PEX1: variants seen among roughly 807,000 people sequenced by gnomAD.
PEX1 encodes the protein peroxisomal biogenesis factor 1, also known as peroxisomal ATPase PEX1.
In PEX1, 97 loss-of-function variants were observed where a neutral mutation model predicts 152.5. The observed-to-expected ratio is 0.64, with a 90% CI of 0.54 to 0.75. The LOEUF (loss-of-function observed/expected upper bound fraction) is 0.75. Ranked by LOEUF, PEX1 falls within the 30% of genes least tolerant of loss-of-function variation. PEX1 has a pLI of 0.00. For synonymous variants in PEX1, 485 were observed against 531.6 expected (o/e 0.91, Z 1.21); for missense variants, 1,357 against 1,516.3 (o/e 0.89, Z 1.74).
chr7:92,500,877 C>A (rs1289996010), intron 15 of PEX1, among the ~76,000 whole-genome samples: 1 of 152,206 alleles, frequency 6.6e-6, no homozygotes, highest in African/African-American at 2.4e-5. Context: ...TTTTCAAGGA[C>A]TGACATCCCG....
At chr7:92,495,570 T>G (rs1245347287) in intron 17 of PEX1, among the ~76,000 whole-genome samples, 3 of 152,200 alleles carry the variant, frequency 2.0e-5, no homozygotes, top group Admixed American at 2.0e-4. Context: ...CTATGTCACC[T>G]AAGTTTTCAA....
chr7:92,495,081 CATTT>C (rs1483725645), intron 17 of PEX1, among the ~76,000 whole-genome samples: 1 of 151,858 alleles, frequency 6.6e-6, no homozygotes, highest in African/African-American at 2.4e-5. Flanking sequence ...AATGCCTATT[CATTT>C]ATTTTGCCCA....
chr7:92,506,944 T>C (rs771908433), intron 10 of PEX1, 50 bp downstream of exon 10: 8 of 1,597,434 alleles, frequency 5.0e-6, no homozygotes, highest in Non-Finnish European at 6.0e-6. Context: ...GAAAGATAAA[T>C]GAAAAGTTAT....
chr7:92,499,962 T>C (rs1254063370), intron 15 of PEX1, 124 bp from the exon 16 acceptor site: 1 of 717,552 alleles, frequency 1.4e-6, no homozygotes, highest in Non-Finnish European at 2.4e-6. Flanking sequence ...CTTTCTTTAG[T>C]AACAGCAAGT....
intron 15 of PEX1, among the ~76,000 whole-genome samples, chr7:92,500,197 A>T (rs73710410): frequency 3.3e-5 from 5 of 152,198 alleles, no homozygotes; most frequent in Non-Finnish European, 7.4e-5. Flanking sequence ...AAGTTATGAG[A>T]GCTGTGTACA....
chr7:92,526,077 G>C (rs1048737247), intron 1 of PEX1, among the ~76,000 whole-genome samples: 3 of 152,200 alleles, frequency 2.0e-5, no homozygotes, highest in Non-Finnish European at 2.9e-5. Context: ...CAAATTAGCT[G>C]CATGGCAATG....
chr7:92,512,702 CT>C (rs1225974329), intron 6 of PEX1, among the ~76,000 whole-genome samples: 1 of 152,142 alleles, frequency 6.6e-6, no homozygotes, highest in Non-Finnish European at 1.5e-5. Context: ...GTTGGCCAGG[CT>C]GGTCTCCAAC....
intron 15 of PEX1, among the ~76,000 whole-genome samples, chr7:92,500,789 C>T (rs1791887801): frequency 6.6e-6 from 1 of 152,120 alleles, no homozygotes; most frequent in African/African-American, 2.4e-5. Context: ...TAGACTCTAC[C>T]ATCTGATCTT....
At position 92,494,494 on chromosome 7, in the gene PEX1, G is replaced by C. The variant is rs778758075; in HGVS notation, c.2919C>G (p.Gly973=). The change falls in exon 18 of 24, where the codon GGC becomes GGG. Residue 973 remains glycine, a synonymous_variant. Coordinates refer to ENST00000248633, the MANE Select transcript of PEX1 (RefSeq NM_000466.3). The part of the protein sequence containing the change: ...QLLTQLDGVE[G]LQGVYVLAAT... Reference sequence around the variant, plus strand: ...TGTATTTATAATTATTACCCTGTAAGCCTTCTACTCCATCCAACTGAGTCA... The same window carrying C: ...TGTATTTATAATTATTACCCTGTAACCCTTCTACTCCATCCAACTGAGTCA... 6.8e-6 allele frequency: 11 copies of C among 1,613,552 alleles called. No individual in the cohort carries two copies. Among genetic ancestry groups the C allele is most frequent in the Non-Finnish European group, 9.3e-6 (11 of 1,179,526 alleles).
intron 21 of PEX1, chr7:92,490,148 T>C: frequency 1.9e-6 from 1 of 528,580 alleles, no homozygotes; most frequent in Non-Finnish European, 3.4e-6. Flanking sequence ...ACAGGGTAGG[T>C]TTTTTTAACT....
chr7:92,509,007 T>C (rs550238603), intron 9 of PEX1, among the ~76,000 whole-genome samples: 301 of 152,190 alleles, frequency 2.0e-3, no homozygotes, highest in African/African-American at 6.8e-3. Context: ...CCACGTGATA[T>C]CTAGTTGCTT....
At chr7:92,518,612 C>CAGACTGG (rs1792914393) in intron 3 of PEX1, among the ~76,000 whole-genome samples, 1 of 152,156 alleles carries the variant, frequency 6.6e-6, no homozygotes, top group Non-Finnish European at 1.5e-5. Context: ...CTCTGTTTTC[C>CAGACTGG]AGACTGGAGT....
In PEX1 at chr7:92,517,878, G is replaced by A. The variant is rs141798874; in HGVS notation, c.637C>T (p.Leu213Phe). The A allele has an allele frequency of 3.1e-4, 483 of 1,544,194 alleles. 1 individual carries two copies. The African/African-American group carries it at 6.2e-3, about 20-fold the overall frequency. Reference protein sequence around the residue: ...GRDQKGMMKELQTKQLQSNTV... With the variant: ...GRDQKGMMKEFQTKQLQSNTV... ...TTTGACTGAAGTTGCTTGGTTTGAA[G>A]TTCTTTCATCATTCCTTTCTGGTCT... The change falls in exon 5 of 24, where the codon CTT becomes TTT. Residue 213 changes from leucine (L) to phenylalanine (F), a missense_variant. Leu to Phe is a conservative substitution (Grantham distance 22, BLOSUM62 0). Coordinates refer to ENST00000248633, the MANE Select transcript of PEX1 (RefSeq NM_000466.3).
At chr7:92,508,187 A>G (rs1242655508) in intron 9 of PEX1, among the ~76,000 whole-genome samples, 1 of 145,418 alleles carries the variant, frequency 6.9e-6, no homozygotes, top group East Asian at 1.9e-4. Flanking sequence ...TATTTTACAA[A>G]CATGAACTTT....
At chr7:92,519,706 CAAATATTGAG>C (rs1335481868) in intron 2 of PEX1, among the ~76,000 whole-genome samples, 1 of 152,012 alleles carries the variant, frequency 6.6e-6, no homozygotes, top group African/African-American at 2.4e-5. Context: ...ACACTGGAGA[CAAATATTGAG>C]AAGTATAATC....
At position 92,517,390 on chromosome 7, in the gene PEX1, A is replaced by G. The variant is rs1585254314; in HGVS notation, c.1125T>C (p.Asn375=). The G allele has an allele frequency of 6.2e-7, 1 of 1,613,856 alleles. No homozygotes were observed. Among genetic ancestry groups the G allele is most frequent in the Non-Finnish European group, 8.5e-7 (1 of 1,179,924 alleles). Residue 375 remains asparagine, a synonymous_variant, in exon 5 of 24, where the codon AAT becomes AAC. Transcript: ENST00000248633. ...GCACACAGGCCTTCTCATCTTCTTCATTATGATCTGACCTAATTTTTTTTT... is the reference window on the plus strand; with the variant it reads ...GCACACAGGCCTTCTCATCTTCTTCGTTATGATCTGACCTAATTTTTTTTT... ...LDQKKIRSDH[N]EEDEKACVLQ...
At chr7:92,499,614 TA>T in intron 16 of PEX1, 89 bp downstream of exon 16, 1 of 1,124,880 alleles carries the variant, frequency 8.9e-7, no homozygotes, top group Non-Finnish European at 1.4e-6. Context: ...GTGAATGCAC[TA>T]AATGCCAGTG....
chr7:92,507,287 G>A, intron 9 of PEX1, 161 bp from the exon 10 acceptor site: 1 of 602,074 alleles, frequency 1.7e-6, no homozygotes, highest in Non-Finnish European at 2.8e-6. Flanking sequence ...CATCCAGGCT[G>A]GAGCGCAGTG....
At chr7:92,513,432 TAAATG>T (rs932944016) in intron 6 of PEX1, among the ~76,000 whole-genome samples, 5 of 151,938 alleles carry the variant, frequency 3.3e-5, no homozygotes, top group African/African-American at 7.2e-5. Flanking sequence ...AACATTATGT[TAAATG>T]AAATAAGTCA....
Sources: allele counts gnomAD v4.1 joint callset (sites outside exome capture counted in the v4.1 genomes callset), GRCh38; gene constraint gnomAD v4.1.1; transcripts MANE v1.5; gene names NCBI Gene and HGNC (gene_info 2026-07-23, HGNC 2026-07-21).